NLRP4: variants seen among roughly 807,000 people sequenced by gnomAD.
NLRP4 encodes NLR family pyrin domain containing 4.
NLRP4 carries 44 observed loss-of-function variants against 84.7 expected under a neutral mutation model. The observed-to-expected ratio is 0.52, with a 90% CI of 0.41 to 0.67. The LOEUF is 0.67. Among genes scored for constraint, NLRP4 ranks in the 30% least tolerant of loss-of-function variants. The probability of loss-of-function intolerance (pLI) is 0.00; values close to 1 mark genes in which losing one functional copy is unlikely to be tolerated. For missense variants in NLRP4, 1,260 were observed against 1,219.4 expected (o/e 1.03, Z -0.50); for synonymous variants, 544 against 476.4 (o/e 1.14, Z -1.85).
At position 55,851,998 on chromosome 19, in the gene NLRP4, G is replaced by A. The variant is rs1482203591; in HGVS notation, c.-65-18G>A. ...CATTTATTTGTAATAACTTGGCACT[G>A]TCCTGAATTTTCTACAGGTTTTATT... On this transcript the variant is annotated intron_variant, in intron 1 of 9. Coordinates refer to ENST00000301295, the MANE Select transcript of NLRP4 (RefSeq NM_134444.5). The A allele has an allele frequency of 2.0e-6, 2 of 1,014,102 alleles. No individual in the cohort carries two copies. The highest frequency in any genetic ancestry group is 2.4e-5 in the East Asian group (1 of 41,986). 62.8% of individuals were successfully genotyped at this position (1,014,102 alleles called of 1,614,324 possible). A position where few individuals can be genotyped will look rare whatever the true frequency, so the allele number is the denominator to read the frequency against.
chr19:55,859,942 A>AC (rs1568666198), intron 3 of NLRP4, among the ~76,000 whole-genome samples: 6 of 138,758 alleles, frequency 4.3e-5, no homozygotes, highest in Non-Finnish European at 7.9e-5. Flanking sequence ...AAAAAAAAAA[A>AC]AAAAAAAAAA....
intron 8 of NLRP4, among the ~76,000 whole-genome samples, chr19:55,878,490 CATACCTTTTTT>C (rs1985456036): frequency 2.1e-4 from 1 of 4,822 alleles, no homozygotes; most frequent in African/African-American, 6.8e-4. Context: ...GAGACGGCTT[CATACCTTTTTT>C]TGGATAATAT....
rs1448195385 is a variant in NLRP4 at position 55,858,912 on chromosome 19, T to C, written c.1519T>C (p.Leu507=). The change falls in exon 3 of 10, where the codon TTA becomes CTA. Residue 507 remains leucine (L), a synonymous_variant. Transcript: ENST00000301295. The surrounding 1 kb of genome is among the most constrained non-coding windows in gnomAD (Gnocchi z 4.2). The part of the protein sequence containing the change: ...IFLGCFLTGL[L]NKKEQEKLDA... ...TTTGGGGTGTTTTCTAACTGGCCTT[T>C]TAAATAAAAAGGAACAAGAAAAACT... 6.2e-7 allele frequency: 1 copy of C among 1,614,062 alleles called. No homozygotes were observed. Among genetic ancestry groups the C allele is most frequent in the African/African-American group, 1.3e-5 (1 of 74,910 alleles).
intron 3 of NLRP4, 122 bp downstream of exon 3, chr19:55,859,371 C>A: frequency 1.3e-6 from 1 of 755,408 alleles, no homozygotes; most frequent in East Asian, 2.6e-5. Context: ...TGCCACAAAA[C>A]CTCAGCTCAC....
At chr19:55,867,616 A>C (rs1985010842) in intron 5 of NLRP4, 93 bp from the exon 6 acceptor site, 4 of 1,165,618 alleles carry the variant, frequency 3.4e-6, no homozygotes, top group Non-Finnish European at 5.0e-6. Context: ...CAAGGACAGC[A>C]AATGTGGGCT....
Position 55,879,041 on chromosome 19 carries a change from T to C in NLRP4, c.2867+77T>C, listed in dbSNP as rs565867541. 3.5e-6 allele frequency: 4 copies of C among 1,131,128 alleles called. No individual in the cohort carries two copies. The East Asian group carries it at 9.7e-5, about 28-fold the overall frequency. 70.1% of individuals were successfully genotyped at this position (1,131,128 alleles called of 1,614,324 possible). On this transcript the variant is annotated intron_variant, in intron 9 of 9. Coordinates refer to ENST00000301295, the MANE Select transcript of NLRP4 (RefSeq NM_134444.5). ...GGATTGGCTGGGACCTGCAGTGTAA[T>C]CACGTTGCATTTAAAATGCAAATGA...
At chr19:55,861,930 C>G (rs2123041714) in intron 4 of NLRP4, 62 bp from the exon 5 acceptor site, 11 of 1,077,066 alleles carry the variant, frequency 1.0e-5, no homozygotes, top group East Asian at 4.7e-5. Context: ...GAGACAAACA[C>G]AGGTGTGCAG....
At chr19:55,869,988 ACTGAGGTG>A (rs1236800567) in intron 6 of NLRP4, among the ~76,000 whole-genome samples, 1 of 151,868 alleles carries the variant, frequency 6.6e-6, no homozygotes, top group Non-Finnish European at 1.5e-5. Flanking sequence ...TACTCAGAAG[ACTGAGGTG>A]CTGAGGTGGG....
rs775671397 is a variant in NLRP4, at chr19:55,858,424, G to A, written c.1031G>A (p.Cys344Tyr). ...LFSICQIPLL[C>Y]WILCTSLKQE... ...TCCATATGCCAAATCCCGCTCCTCTGCTGGATCCTGTGTACCAGTCTGAAG... is the reference window on the plus strand; with the variant it reads ...TCCATATGCCAAATCCCGCTCCTCTACTGGATCCTGTGTACCAGTCTGAAG... Residue 344 changes from cysteine to tyrosine, a missense_variant, in exon 3 of 10, where the codon TGC (cysteine) becomes TAC (tyrosine). By Grantham distance (194) the Cys-to-Tyr change is radical (BLOSUM62 -2). This residue lies in a region of NLRP4 where 712 missense variants were observed against 669.2 expected (regional missense o/e 1.06). Coordinates refer to ENST00000301295, the MANE Select transcript of NLRP4 (RefSeq NM_134444.5). This position sits in a 1 kb window ranked among gnomAD's most constrained non-coding sequence, Gnocchi z 4.2. The A allele has an allele frequency of 4.3e-6, 7 of 1,614,144 alleles. No individual in the cohort carries two copies. Among genetic ancestry groups the A allele is most frequent in the Non-Finnish European group, 5.9e-6 (7 of 1,180,040 alleles).
At chr19:55,862,448 T>C (rs78426834) in intron 5 of NLRP4, among the ~76,000 whole-genome samples, 20 of 12,446 alleles carry the variant, frequency 1.6e-3, no homozygotes, top group Admixed American at 3.0e-3. Context: ...AGACCACTGA[T>C]TGGGTTTCAG....
chr19:55,843,843 CTT>C (rs1983700669), intron 1 of NLRP4, among the ~76,000 whole-genome samples: 1 of 152,094 alleles, frequency 6.6e-6, no homozygotes, highest in Non-Finnish European at 1.5e-5. Context: ...TCCACAGTCT[CTT>C]TTCTCCTTTT....
At chr19:55,849,265 A>G (rs1983923921) in intron 1 of NLRP4, among the ~76,000 whole-genome samples, 2 of 152,172 alleles carry the variant, frequency 1.3e-5, no homozygotes, top group African/African-American at 4.8e-5. Flanking sequence ...GTGGTCTTAG[A>G]AACCAAGAGC....
intron 6 of NLRP4, among the ~76,000 whole-genome samples, chr19:55,870,072 T>C (rs1165283228): frequency 6.6e-6 from 1 of 151,672 alleles, no homozygotes; most frequent in Non-Finnish European, 1.5e-5. Flanking sequence ...CACTCCAGCC[T>C]AGGTGACAGA....
At chr19:55,844,392 C>T (rs1444435176) in intron 1 of NLRP4, among the ~76,000 whole-genome samples, 1 of 152,142 alleles carries the variant, frequency 6.6e-6, no homozygotes. Flanking sequence ...ATTCTCCTGC[C>T]TCAGCCTCCT....
chr19:55,852,068 T>C lies in NLRP4; in HGVS notation c.-13T>C, dbSNP rs778069064. 1.3e-6 allele frequency: 2 copies of C among 1,583,318 alleles called. No individual in the cohort carries two copies. Among genetic ancestry groups the C allele is most frequent in the Non-Finnish European group, 1.7e-6 (2 of 1,169,674 alleles). ...CTGTCTCTTTGAGGATTGGTATCTC[T>C]GCTCCAGAAAAGATGGCAGCCTCTT... is the stretch of plus-strand genomic sequence containing the variant. On this transcript the variant is annotated 5_prime_UTR_variant, in exon 2 of 10. Transcript: ENST00000301295.
intron 1 of NLRP4, among the ~76,000 whole-genome samples, chr19:55,844,604 A>C (rs1047599227): frequency 6.6e-6 from 1 of 152,118 alleles, no homozygotes; most frequent in African/African-American, 2.4e-5. Context: ...AAGGTCACCA[A>C]TTATATTGGA....
chr19:55,872,137 C>T (rs139135013), intron 7 of NLRP4, among the ~76,000 whole-genome samples: 45 of 152,166 alleles, frequency 3.0e-4, no homozygotes, highest in East Asian at 1.2e-3. Flanking sequence ...CATGAGCCAC[C>T]GTGCCCAGCC....
At chr19:55,846,032 A>T (rs1029122031) in intron 1 of NLRP4, among the ~76,000 whole-genome samples, 1 of 152,096 alleles carries the variant, frequency 6.6e-6, no homozygotes, top group Non-Finnish European at 1.5e-5. Flanking sequence ...GTTTAATTAG[A>T]TCCCATTTGT....
In NLRP4 at chr19:55,850,987, T is replaced by G. The variant is rs1202305853; in HGVS notation, c.-65-1029T>G. Among the ~76,000 whole-genome samples the G allele has an allele frequency of 8.8e-4, 68 of 77,370 alleles. 1 individual carries two copies. Among genetic ancestry groups the G allele is most frequent in the Non-Finnish European group, 1.3e-3 (57 of 44,260 alleles). 50.8% of individuals were successfully genotyped at this position (77,370 alleles called of 152,430 possible). A position where few individuals can be genotyped will look rare whatever the true frequency, so the allele number is the denominator to read the frequency against. The stretch of plus-strand genomic sequence containing the variant: ...GTAATGTCCGTGGCTGCGGTGTAAT[T>G]TACGAGGCTGCGGTGTAATGTCCGT... On this transcript the variant is annotated intron_variant, in intron 1 of 9. Coordinates refer to ENST00000301295, the MANE Select transcript of NLRP4 (RefSeq NM_134444.5).
Sources: allele counts gnomAD v4.1 joint callset (sites outside exome capture counted in the v4.1 genomes callset), GRCh38; gene constraint gnomAD v4.1.1; regional missense constraint gnomAD v4.1.1; non-coding constraint Gnocchi (gnomAD v3.1); transcripts MANE v1.5; gene names NCBI Gene and HGNC (gene_info 2026-07-23, HGNC 2026-07-21).